Variants in RGL1 observed in about 807,000 individuals in gnomAD.
RGL1 encodes ral guanine nucleotide dissociation stimulator like 1.
A neutral mutation model predicts 95.2 loss-of-function variants in RGL1; 24 were observed. The observed-to-expected ratio is 0.25, with a 90% CI of 0.18 to 0.35. The LOEUF (loss-of-function observed/expected upper bound fraction) is 0.35, where lower values mean the gene tolerates loss of function less well. Among genes scored for constraint, RGL1 ranks in the 10% least tolerant of loss-of-function variants. The pLI is 1.00. For synonymous variants in RGL1, 329 were observed against 344.9 expected, an observed-to-expected ratio of 0.95 and a Z score of 0.51; for missense variants, 715 against 936.3, an observed-to-expected ratio of 0.76 and a Z score of 3.08.
At chr1:183,851,430 C>G (rs1346979555) in intron 3 of RGL1, among the ~76,000 whole-genome samples, 1 of 152,154 alleles carries the variant, frequency 6.6e-6, no homozygotes, top group African/African-American at 2.4e-5. Flanking sequence ...TTGGAATGCC[C>G]TCTGCATAAT....
chr1:183,904,816 T>C, intron 12 of RGL1, 34 bp from the exon 13 acceptor site: 1 of 1,576,772 alleles, frequency 6.3e-7, no homozygotes, highest in Non-Finnish European at 8.6e-7. Flanking sequence ...ATTCAGTCTT[T>C]TTTTTTTAAT....
chr1:183,802,668 T>C (rs1287917119), upstream of RGL1, among the ~76,000 whole-genome samples: 1 of 142,524 alleles, frequency 7.0e-6, no homozygotes, highest in Non-Finnish European at 1.5e-5. Flanking sequence ...AAATAAAGAA[T>C]TAATGTGTTT....
At chr1:183,667,394 G>T (rs765795349) in intron 1 of RGL1, among the ~76,000 whole-genome samples, 1 of 151,910 alleles carries the variant, frequency 6.6e-6, no homozygotes, top group Non-Finnish European at 1.5e-5. Context: ...GCGCGATCTC[G>T]GCTCACCGCA....
At chr1:183,859,174 T>C (rs1416051370) in intron 3 of RGL1, among the ~76,000 whole-genome samples, 1 of 152,212 alleles carries the variant, frequency 6.6e-6, no homozygotes, top group Non-Finnish European at 1.5e-5. Context: ...TGGTTTAGCA[T>C]TGTTATGAAC....
Position 183,873,101 on chromosome 1 carries a change from A to G in RGL1, c.425+7028A>G, listed in dbSNP as rs115394597. Among the ~76,000 whole-genome samples, 1,393 of 152,324 alleles carry G rather than the reference A, an allele frequency of 9.1e-3. 5 individuals are homozygous for G. The highest frequency in any genetic ancestry group is 0.015 in the Non-Finnish European group (1,028 of 68,030). Reference sequence around the variant, plus strand: ...CATGGGTAGAAAGCCCTGAGCAGAAACTGATGTTCTAATAGTTGAGGAAGA... The same window carrying G: ...CATGGGTAGAAAGCCCTGAGCAGAAGCTGATGTTCTAATAGTTGAGGAAGA... On this transcript the variant is annotated intron_variant, in intron 4 of 17. Coordinates refer to ENST00000360851, the MANE Select transcript of RGL1 (RefSeq NM_001297671.3).
At chr1:183,807,110 G>A (rs780010412) in intron 2 of RGL1, among the ~76,000 whole-genome samples, 2 of 152,174 alleles carry the variant, frequency 1.3e-5, no homozygotes, top group African/African-American at 2.4e-5. Context: ...AAAATATTGG[G>A]TGAGGTCATG....
At chr1:183,682,814 T>C (rs1558151287) in intron 1 of RGL1, among the ~76,000 whole-genome samples, 1 of 152,194 alleles carries the variant, frequency 6.6e-6, no homozygotes, top group Non-Finnish European at 1.5e-5. Flanking sequence ...GTTTCTTTTG[T>C]AGGTCTCTGG....
intron 1 of RGL1, among the ~76,000 whole-genome samples, chr1:183,702,844 C>T (rs538159889): frequency 1.8e-4 from 27 of 152,266 alleles, no homozygotes; most frequent in African/African-American, 3.6e-4. Context: ...TGGAGCAACA[C>T]GCTGTTTTAA....
chr1:183,790,255 A>G (rs1028627955), intron 2 of RGL1, among the ~76,000 whole-genome samples: 12 of 152,126 alleles, frequency 7.9e-5, no homozygotes, highest in African/African-American at 1.4e-4. Context: ...TGATGCTCCA[A>G]TATCCTATGA....
At position 183,724,080 on chromosome 1, in the gene RGL1, G is replaced by C. The variant is rs1656175691; in HGVS notation, c.-32-18046G>C. ...GGGCCAGAAGCAAACTCATTGCCTT[G>C]AAGGGAAGAGCCCAGTCCTGGCAAG... On this transcript the variant is annotated intron_variant, in intron 1 of 18. Transcript: ENST00000304685. The surrounding 1 kb of genome is among the most constrained non-coding windows in gnomAD (Gnocchi z 4.1). 6.6e-6 allele frequency among the ~76,000 whole-genome samples: 1 copy of C among 152,174 alleles called. No individual in the cohort carries two copies. The highest frequency in any genetic ancestry group is 2.4e-5 in the African/African-American group (1 of 41,442).
At chr1:183,771,337 T>G (rs12139838) in intron 2 of RGL1, among the ~76,000 whole-genome samples, 10 of 152,146 alleles carry the variant, frequency 6.6e-5, no homozygotes, top group Non-Finnish European at 1.2e-4. Flanking sequence ...GACCAGTTTT[T>G]TCAGGGCCTG....
chr1:183,814,722 C>G (rs753341813), intron 2 of RGL1, among the ~76,000 whole-genome samples: 10 of 152,134 alleles, frequency 6.6e-5, no homozygotes, highest in Non-Finnish European at 1.0e-4. Flanking sequence ...CAAACCTTTT[C>G]TGCTAAGGGT....
intron 1 of RGL1, among the ~76,000 whole-genome samples, chr1:183,711,030 C>T (rs1440797438): frequency 6.6e-6 from 1 of 152,196 alleles, no homozygotes; most frequent in Admixed American, 6.5e-5. Flanking sequence ...TGGGATGTCT[C>T]TGCTTTACCC....
intron 2 of RGL1, among the ~76,000 whole-genome samples, chr1:183,844,222 A>G (rs1664263871): frequency 6.6e-6 from 1 of 152,244 alleles, no homozygotes; most frequent in South Asian, 2.1e-4. Flanking sequence ...AACACAAAAC[A>G]TCCTGACATT....
intron 4 of RGL1, among the ~76,000 whole-genome samples, chr1:183,868,838 G>A (rs562316768): frequency 2.0e-5 from 3 of 152,294 alleles, no homozygotes; most frequent in South Asian, 2.1e-4. Flanking sequence ...AGAGCTGGCC[G>A]GGCGTGGTGG....
intron 1 of RGL1, among the ~76,000 whole-genome samples, chr1:183,662,839 G>A (rs557868259): frequency 2.6e-3 from 398 of 152,270 alleles, no homozygotes; most frequent in Middle Eastern, 6.8e-3. Context: ...AACCAAAACA[G>A]CATGGTACTG....
intron 1 of RGL1, among the ~76,000 whole-genome samples, chr1:183,641,825 C>T (rs1321683317): frequency 2.0e-5 from 3 of 152,112 alleles, no homozygotes; most frequent in South Asian, 4.1e-4. Context: ...TTCTTTTCTT[C>T]TATGATTATT....
chr1:183,658,923 C>T lies in RGL1; in HGVS notation c.-33+22422C>T, dbSNP rs564661931. Among the ~76,000 whole-genome samples, 338 of 151,854 alleles carry T rather than the reference C, an allele frequency of 2.2e-3. 5 individuals carry two copies. Among genetic ancestry groups the T allele is most frequent in the African/African-American group, 6.7e-3 (275 of 41,192 alleles). The stretch of plus-strand genomic sequence containing the variant: ...CGAAAATCTGCTGTTCTGCAGCCAC[C>T]GCTGCTGGTACCCAGGCAAACAGGG... On this transcript the variant is annotated intron_variant, in intron 1 of 18. Transcript: ENST00000304685.
chr1:183,834,525 G>A (rs2102497043), intron 2 of RGL1, among the ~76,000 whole-genome samples: 1 of 152,122 alleles, frequency 6.6e-6, no homozygotes. Flanking sequence ...ATATGCACTA[G>A]TACTAAGCTC....
Sources: gnomAD v4.1 joint callset for allele counts (sites outside exome capture counted in the v4.1 genomes callset) on GRCh38, gnomAD v4.1.1 for gene constraint, Gnocchi (gnomAD v3.1) non-coding constraint, MANE v1.5 for transcripts, NCBI Gene and HGNC (gene_info 2026-07-23, HGNC 2026-07-21) for gene names.